PKN2: variants seen among roughly 807,000 people sequenced by gnomAD.
PKN2 encodes protein kinase N2, also known as serine/threonine-protein kinase N2.
A neutral mutation model predicts 119.1 loss-of-function variants in PKN2; 38 were observed. The ratio of observed to expected loss-of-function variants is 0.32; its 90% confidence interval spans 0.25 to 0.42. PKN2 has a LOEUF of 0.42. Among genes scored for constraint, PKN2 ranks in the 10% least tolerant of loss-of-function variants. The probability of loss-of-function intolerance (pLI) is 1.00; values close to 1 mark genes in which losing one functional copy is unlikely to be tolerated. For synonymous variants in PKN2, 390 were observed against 384.9 expected (o/e 1.01, Z -0.15); for missense variants, 850 against 1,165.1 (o/e 0.73, Z 3.94).
chr1:88,814,054 A>T (rs3795545), intron 16 of PKN2, among the ~76,000 whole-genome samples: 43,323 of 152,006 alleles, frequency 0.29, 6,795 homozygotes, highest in Middle Eastern at 0.37. Context: ...TTAAAGACAG[A>T]TTATACTCAA....
chr1:88,774,901 G>A (rs1345906082), intron 6 of PKN2, among the ~76,000 whole-genome samples: 2 of 151,826 alleles, frequency 1.3e-5, no homozygotes, highest in Non-Finnish European at 2.9e-5. Flanking sequence ...TAGCAATGGC[G>A]TCTCACTGTG....
chr1:88,748,810 C>G (rs1421070518), intron 2 of PKN2, among the ~76,000 whole-genome samples: 2 of 152,064 alleles, frequency 1.3e-5, no homozygotes, highest in Non-Finnish European at 2.9e-5. Context: ...TGGTGTGCAC[C>G]TGTAATCCCA....
chr1:88,776,050 G>A (rs979065006), intron 6 of PKN2, among the ~76,000 whole-genome samples: 1 of 151,296 alleles, frequency 6.6e-6, no homozygotes, highest in African/African-American at 2.4e-5. Flanking sequence ...GGAGCTGGCA[G>A]CGAGCCGAGA....
At chr1:88,793,995 C>T (rs139239568) in intron 8 of PKN2, among the ~76,000 whole-genome samples, 36 of 152,190 alleles carry the variant, frequency 2.4e-4, no homozygotes, top group Non-Finnish European at 4.7e-4. Flanking sequence ...ATTTAAACTT[C>T]TTTGAACTCC....
intron 3 of PKN2, among the ~76,000 whole-genome samples, chr1:88,761,511 C>T (rs1669440971): frequency 6.7e-6 from 1 of 150,218 alleles, no homozygotes; most frequent in African/African-American, 2.5e-5. Context: ...CCTGGTGGCT[C>T]ACACCTGTAT....
At chr1:88,713,965 G>T (rs1667342127) in intron 1 of PKN2, among the ~76,000 whole-genome samples, 1 of 152,204 alleles carries the variant, frequency 6.6e-6, no homozygotes, top group Non-Finnish European at 1.5e-5. Context: ...TGTACAAGGT[G>T]TAAGGAAGGG....
chr1:88,686,043 T>C (rs900032254), intron 1 of PKN2, among the ~76,000 whole-genome samples: 1 of 152,178 alleles, frequency 6.6e-6, no homozygotes. Flanking sequence ...AATGTTGCTA[T>C]GTAGTATTTT....
intron 2 of PKN2, among the ~76,000 whole-genome samples, chr1:88,750,746 C>T (rs1668953982): frequency 6.6e-6 from 1 of 152,010 alleles, no homozygotes; most frequent in Non-Finnish European, 1.5e-5. Context: ...AGTGCATGAC[C>T]CCAGTAATCT....
rs200492115 is a variant in PKN2 at position 88,723,419 on chromosome 1, C to CA, written c.49-17569_49-17568insA. On this transcript the variant is annotated intron_variant, in intron 1 of 21. Coordinates refer to ENST00000370521, the MANE Select transcript of PKN2 (RefSeq NM_006256.4). ...TAAGCCACCGTGCCCTGCCCCCCCC[C>CA]CTTTTATTTATTTGTTTATTTTGAG... is the stretch of plus-strand genomic sequence containing the variant. Among the ~76,000 whole-genome samples, 61 of 147,910 alleles carry CA rather than the reference C, an allele frequency of 4.1e-4. 1 individual carries two copies. The highest frequency in any genetic ancestry group is 1.4e-3 in the African/African-American group (57 of 40,284).
At chr1:88,820,230 AT>A (rs1672211660) in intron 16 of PKN2, among the ~76,000 whole-genome samples, 4 of 107,716 alleles carry the variant, frequency 3.7e-5, no homozygotes, top group African/African-American at 1.4e-4. Context: ...ATATATATAT[AT>A]ATAAATAGAA....
Position 88,834,931 on chromosome 1 carries a change from A to C in PKN2, c.*1483A>C. The C allele has an allele frequency of 6.6e-6, 1 of 152,418 alleles. No individual in the cohort carries two copies. The highest frequency in any genetic ancestry group is 1.9e-4 in the East Asian group (1 of 5,198). The allele number at this position is 152,418 out of a possible 1,614,324, so 9.4% of individuals were successfully genotyped here. On this transcript the variant is annotated 3_prime_UTR_variant, in exon 22 of 22. Coordinates refer to ENST00000370521, the MANE Select transcript of PKN2 (RefSeq NM_006256.4). ...TAGCATGTTAGGGTCATTATACCTC[A>C]GGAATAGCAAGCTGTTAAGTAACCA...
intron 1 of PKN2, among the ~76,000 whole-genome samples, chr1:88,728,639 C>T (rs1667996662): frequency 6.6e-6 from 1 of 152,030 alleles, no homozygotes. Context: ...CATGGGTTAA[C>T]AGTTCTGATC....
chr1:88,803,804 T>G (rs1301469333), intron 8 of PKN2, among the ~76,000 whole-genome samples: 1 of 152,220 alleles, frequency 6.6e-6, no homozygotes, highest in Non-Finnish European at 1.5e-5. Flanking sequence ...TTGGTCTGAA[T>G]TTCCCCTTTC....
chr1:88,784,122 G>A (rs1670468235), intron 6 of PKN2, among the ~76,000 whole-genome samples: 1 of 143,080 alleles, frequency 7.0e-6, no homozygotes, highest in African/African-American at 2.6e-5. Context: ...ACTTTTGGGA[G>A]ATGCTGTTCC....
At chr1:88,723,866 CCTT>C (rs984229187) in intron 1 of PKN2, among the ~76,000 whole-genome samples, 18 of 152,124 alleles carry the variant, frequency 1.2e-4, no homozygotes, top group Admixed American at 1.3e-4. Flanking sequence ...ATATACACCC[CCTT>C]CTTATATAAT....
Position 88,690,942 on chromosome 1 carries a change from A to G in PKN2, c.48+6314A>G, listed in dbSNP as rs182432982. On this transcript the variant is annotated intron_variant, in intron 1 of 21. Transcript: ENST00000370521. ...GACTTATCAAATTGGTGAAAGTTTT[A>G]CTGCCCTGGCTCATAAGTACCTTAA... is the stretch of plus-strand genomic sequence containing the variant. 4.6e-5 allele frequency among the ~76,000 whole-genome samples: 7 copies of G among 152,318 alleles called. No individual in the cohort carries two copies. The East Asian group carries it at 1.4e-3, about 29-fold the overall frequency.
chr1:88,743,376 A>G (rs529497024), intron 2 of PKN2, among the ~76,000 whole-genome samples: 50 of 151,976 alleles, frequency 3.3e-4, no homozygotes, highest in Non-Finnish European at 5.4e-4. Context: ...ATGATCCCCA[A>G]CCCTGGCCAT....
intron 6 of PKN2, among the ~76,000 whole-genome samples, chr1:88,778,278 T>G (rs923887443): frequency 6.6e-6 from 1 of 152,244 alleles, no homozygotes; most frequent in East Asian, 1.9e-4. Context: ...TCTCAGATAC[T>G]TTTTGGTTTA....
intron 1 of PKN2, among the ~76,000 whole-genome samples, chr1:88,686,182 C>T (rs1666088884): frequency 6.6e-6 from 1 of 152,036 alleles, no homozygotes; most frequent in Non-Finnish European, 1.5e-5. Flanking sequence ...TGAGGCAAGT[C>T]AGAAATACTT....
Sources: gnomAD v4.1 joint callset for allele counts (sites outside exome capture counted in the v4.1 genomes callset) on GRCh38, gnomAD v4.1.1 for gene constraint, MANE v1.5 for transcripts, NCBI Gene and HGNC (gene_info 2026-07-23, HGNC 2026-07-21) for gene names.